PDE4D: variants seen among roughly 807,000 people sequenced by gnomAD.
PDE4D encodes 3',5'-cyclic-AMP phosphodiesterase 4D.
A neutral mutation model predicts 87.4 loss-of-function variants in PDE4D; 24 were observed. The observed-to-expected ratio is 0.27, with a 90% CI of 0.20 to 0.39. The LOEUF is 0.39. Among genes scored for constraint, PDE4D ranks in the 10% least tolerant of loss-of-function variants. PDE4D has a pLI of 1.00. For synonymous variants in PDE4D, 384 were observed against 383.2 expected, an observed-to-expected ratio of 1.00 and a Z score of -0.02; for missense variants, 714 against 1,041.0, an observed-to-expected ratio of 0.69 and a Z score of 4.32.
At chr5:59,521,099 T>C (rs1281049824) in intron 1 of PDE4D, among the ~76,000 whole-genome samples, 1 of 142,362 alleles carries the variant, frequency 7.0e-6, no homozygotes, top group Non-Finnish European at 1.6e-5. Context: ...TAAGGAACAA[T>C]AGGAGATCAC....
chr5:60,238,727 C>T (rs1048696491), intron 1 of PDE4D, among the ~76,000 whole-genome samples: 6 of 151,614 alleles, frequency 4.0e-5, no homozygotes, highest in African/African-American at 1.5e-4. Context: ...TGAAAGATTC[C>T]TTCATACAAA....
At chr5:60,284,030 C>T (rs867786732) in intron 1 of PDE4D, among the ~76,000 whole-genome samples, 19 of 152,172 alleles carry the variant, frequency 1.2e-4, no homozygotes, top group South Asian at 6.2e-4. Context: ...GCACAGTGAA[C>T]GGAAAGATGA....
intron 2 of PDE4D, among the ~76,000 whole-genome samples, chr5:60,023,011 T>C (rs1235601298): frequency 1.3e-5 from 2 of 152,186 alleles, no homozygotes; most frequent in African/African-American, 4.8e-5. Context: ...AATGCTCCAT[T>C]GAATGTCCCT....
At chr5:59,237,348 T>C (rs1756663553) in intron 1 of PDE4D, among the ~76,000 whole-genome samples, 1 of 152,212 alleles carries the variant, frequency 6.6e-6, no homozygotes, top group Admixed American at 6.5e-5. Flanking sequence ...TTAACATTCA[T>C]GTTTTGCTTG....
intron 1 of PDE4D, among the ~76,000 whole-genome samples, chr5:60,482,933 G>T (rs1748846940): frequency 6.6e-6 from 1 of 151,938 alleles, no homozygotes; most frequent in South Asian, 2.1e-4. Context: ...TTTTGTTTTA[G>T]CAATTTTAAG....
chr5:59,338,712 C>T (rs764694720), intron 1 of PDE4D, among the ~76,000 whole-genome samples: 1 of 152,174 alleles, frequency 6.6e-6, no homozygotes, highest in Non-Finnish European at 1.5e-5. Context: ...AGCAAGTATG[C>T]ACTTTCCAAG....
At chr5:60,057,838 C>T (rs1770945845) in intron 2 of PDE4D, among the ~76,000 whole-genome samples, 2 of 151,992 alleles carry the variant, frequency 1.3e-5, no homozygotes, top group East Asian at 1.9e-4. Context: ...TCTAGATTAA[C>T]AACATAGCAT....
At chr5:59,426,088 G>C (rs1359951138) in intron 1 of PDE4D, among the ~76,000 whole-genome samples, 1 of 152,094 alleles carries the variant, frequency 6.6e-6, no homozygotes, top group African/African-American at 2.4e-5. Context: ...CGATGCCTGC[G>C]CACAGAGGAA....
intron 1 of PDE4D, among the ~76,000 whole-genome samples, chr5:60,363,327 A>G (rs548704096): frequency 5.3e-5 from 8 of 152,226 alleles, no homozygotes; most frequent in Non-Finnish European, 1.0e-4. Context: ...TAATTCCAAC[A>G]GTACCATCTT....
intron 1 of PDE4D, among the ~76,000 whole-genome samples, chr5:60,337,355 A>AG (rs1757875221): frequency 1.2e-5 from 1 of 82,476 alleles, no homozygotes; most frequent in Non-Finnish European, 2.1e-5. Flanking sequence ...AACAAACTAT[A>AG]TATATATATA....
intron 2 of PDE4D, among the ~76,000 whole-genome samples, chr5:60,085,136 A>T (rs1774396203): frequency 6.6e-6 from 1 of 152,300 alleles, no homozygotes; most frequent in South Asian, 2.1e-4. Flanking sequence ...TTTGTCCTGT[A>T]TTTTTAAAGG....
intron 11 of PDE4D, 28 bp downstream of exon 11, chr5:58,988,465 G>C: frequency 1.1e-6 from 1 of 948,358 alleles, no homozygotes; most frequent in South Asian, 2.1e-5. Flanking sequence ...AGGGAAAAAT[G>C]TGTTCTGAAA....
At chr5:59,369,668 A>G (rs933637785) in intron 1 of PDE4D, among the ~76,000 whole-genome samples, 3 of 152,096 alleles carry the variant, frequency 2.0e-5, no homozygotes, top group African/African-American at 7.2e-5. Context: ...CCAACTCTGG[A>G]CCCTCAATGT....
intron 1 of PDE4D, among the ~76,000 whole-genome samples, chr5:59,759,593 T>C (rs1160987786): frequency 6.6e-6 from 1 of 152,180 alleles, no homozygotes; most frequent in East Asian, 1.9e-4. Context: ...CTCAGGTCTT[T>C]TGATTTCGTG....
At chr5:60,024,102 A>AT (rs1463099330) in intron 2 of PDE4D, among the ~76,000 whole-genome samples, 6 of 152,184 alleles carry the variant, frequency 3.9e-5, no homozygotes, top group Non-Finnish European at 1.5e-5. Context: ...ACCTAGATGG[A>AT]TTTTTCCTTA....
chr5:59,007,845 A>C (rs1751945725), intron 6 of PDE4D, among the ~76,000 whole-genome samples: 1 of 152,072 alleles, frequency 6.6e-6, no homozygotes, highest in Admixed American at 6.5e-5. Flanking sequence ...TTTTTTTAAC[A>C]AAAAAGTCTC....
intron 3 of PDE4D, among the ~76,000 whole-genome samples, chr5:59,915,805 C>T (rs1753975019): frequency 6.6e-6 from 1 of 152,072 alleles, no homozygotes; most frequent in Non-Finnish European, 1.5e-5. Flanking sequence ...TTATTTAGAA[C>T]ACATTTCTTT....
rs541220903 is a variant in PDE4D at position 59,893,690 on chromosome 5, A to ATGCTGCTGC, written c.-77_-69dup. ...CCGCGCTGGCCCGAGCGCCTTCCTG[A>ATGCTGCTGC]TGCTGCTGCTGCTGCTGCCGCCGCC... is the stretch of plus-strand genomic sequence containing the variant. On this transcript the variant is annotated 5_prime_UTR_variant, in exon 1 of 15. Coordinates refer to ENST00000340635, the MANE Select transcript of PDE4D (RefSeq NM_001104631.2). The ATGCTGCTGC allele has an allele frequency of 3.4e-5, 47 of 1,387,886 alleles. 1 individual carries two copies. In the African/African-American group the frequency reaches 6.2e-4, roughly 18 times the overall value. 86.0% of individuals were successfully genotyped at this position (1,387,886 alleles called of 1,614,324 possible). A position where few individuals can be genotyped will look rare whatever the true frequency, so the allele number is the denominator to read the frequency against.
chr5:59,750,201 C>A (rs886392751), intron 1 of PDE4D, among the ~76,000 whole-genome samples: 3 of 151,254 alleles, frequency 2.0e-5, no homozygotes, highest in Non-Finnish European at 2.9e-5. Flanking sequence ...ATTTTCCCCA[C>A]ATCTTTACTT....
Sources: allele counts gnomAD v4.1 joint callset (sites outside exome capture counted in the v4.1 genomes callset), GRCh38; gene constraint gnomAD v4.1.1; transcripts MANE v1.5; gene names NCBI Gene and HGNC (gene_info 2026-07-23, HGNC 2026-07-21).